PREX2: variants seen among roughly 807,000 people sequenced by gnomAD.
PREX2 encodes the protein phosphatidylinositol 3,4,5-trisphosphate-dependent Rac exchanger 2 protein.
In PREX2, 107 loss-of-function variants were observed where a neutral mutation model predicts 203.2. That is an observed-to-expected ratio of 0.53 (90% CI 0.45 to 0.62). PREX2 has a LOEUF of 0.62. Ranked by LOEUF, PREX2 falls within the 20% of genes least tolerant of loss-of-function variation. The pLI, the probability that PREX2 is intolerant of heterozygous loss-of-function variation, is 0.00. For synonymous variants in PREX2, 672 were observed against 663.6 expected, an observed-to-expected ratio of 1.01 and a Z score of -0.19; for missense variants, 1,777 against 1,955.9, an observed-to-expected ratio of 0.91 and a Z score of 1.72.
At chr8:67,988,413 A>T (rs1291958373) in intron 1 of PREX2, among the ~76,000 whole-genome samples, 1 of 152,106 alleles carries the variant, frequency 6.6e-6, no homozygotes, top group African/African-American at 2.4e-5. Flanking sequence ...CCATCACTTT[A>T]CTTAGTCCTC....
At chr8:67,997,154 C>T (rs1806789648) in intron 1 of PREX2, among the ~76,000 whole-genome samples, 2 of 152,050 alleles carry the variant, frequency 1.3e-5, no homozygotes, top group African/African-American at 2.4e-5. Flanking sequence ...TTTGCCATTA[C>T]TTTTGATGGG....
chr8:68,143,061 A>G (rs557265477), intron 33 of PREX2, among the ~76,000 whole-genome samples: 2 of 152,286 alleles, frequency 1.3e-5, no homozygotes, highest in African/African-American at 4.8e-5. Flanking sequence ...GCATCATTTC[A>G]TATGATTATT....
Position 68,114,446 on chromosome 8 carries a change from A to G in PREX2, c.3147-1307A>G, listed in dbSNP as rs544558213. The G allele has an allele frequency of 7.3e-4, 285 of 390,092 alleles. 8 individuals are homozygous for G. The highest frequency in any genetic ancestry group is 3.1e-3 in the South Asian group (168 of 54,700). 24.2% of individuals were successfully genotyped at this position (390,092 alleles called of 1,614,324 possible). A position where few individuals can be genotyped will look rare whatever the true frequency, so the allele number is the denominator to read the frequency against. On this transcript the variant is annotated intron_variant, in intron 25 of 39. Coordinates refer to ENST00000288368, the MANE Select transcript of PREX2 (RefSeq NM_024870.4). ...TGGCTGCTGGCTTGAGAAGCCCTAT[A>G]TGGGTCCTTTGTTTATACATGGTTT...
chr8:68,228,787 A>G (rs958190739), intron 39 of PREX2, among the ~76,000 whole-genome samples: 8 of 150,296 alleles, frequency 5.3e-5, no homozygotes, highest in Non-Finnish European at 1.0e-4. Flanking sequence ...ATAAATAAAT[A>G]AATAAATAAA....
chr8:68,012,517 G>A (rs1346497393), intron 1 of PREX2, among the ~76,000 whole-genome samples: 1 of 152,182 alleles, frequency 6.6e-6, no homozygotes, highest in African/African-American at 2.4e-5. Context: ...TAGACATGCT[G>A]TTTGGGAATC....
chr8:68,195,031 A>G (rs1344224076), intron 37 of PREX2, among the ~76,000 whole-genome samples: 2 of 152,176 alleles, frequency 1.3e-5, no homozygotes, highest in Admixed American at 6.5e-5. Context: ...ATACACTGGA[A>G]CCAAGGGGGT....
At chr8:68,075,484 C>T (rs1020673014) in intron 14 of PREX2, among the ~76,000 whole-genome samples, 2 of 152,174 alleles carry the variant, frequency 1.3e-5, no homozygotes, top group African/African-American at 4.8e-5. Context: ...CCCAGGAAGC[C>T]TCGCCAGATC....
chr8:68,194,129 T>C (rs569377513), intron 37 of PREX2, among the ~76,000 whole-genome samples: 5 of 152,336 alleles, frequency 3.3e-5, no homozygotes, highest in Admixed American at 6.5e-5. Flanking sequence ...TCTGATAAGC[T>C]TATGTTCATA....
At chr8:68,205,555 T>A (rs1011416501) in intron 37 of PREX2, among the ~76,000 whole-genome samples, 2 of 152,338 alleles carry the variant, frequency 1.3e-5, no homozygotes, top group Middle Eastern at 3.4e-3. Flanking sequence ...TGGGGATTGA[T>A]CACTATTTAA....
intron 3 of PREX2, among the ~76,000 whole-genome samples, chr8:68,020,775 A>G (rs1260351979): frequency 1.3e-5 from 2 of 152,168 alleles, no homozygotes; most frequent in Non-Finnish European, 2.9e-5. Flanking sequence ...AGTAGTTGCT[A>G]TCTCAGTCCA....
intron 1 of PREX2, among the ~76,000 whole-genome samples, chr8:67,972,884 T>C (rs1212399492): frequency 1.3e-5 from 2 of 152,192 alleles, no homozygotes; most frequent in African/African-American, 2.4e-5. Flanking sequence ...CCATTGTATG[T>C]CTCACTTTTG....
At chr8:67,971,084 G>T (rs1805913891) in intron 1 of PREX2, among the ~76,000 whole-genome samples, 1 of 152,118 alleles carries the variant, frequency 6.6e-6, no homozygotes, top group Admixed American at 6.6e-5. Context: ...GGTATAGGGG[G>T]TGATAAAGGT....
chr8:68,084,358 A>G (rs1175608430), intron 18 of PREX2, among the ~76,000 whole-genome samples: 2 of 152,142 alleles, frequency 1.3e-5, no homozygotes, highest in African/African-American at 4.8e-5. Flanking sequence ...AATTTTAACT[A>G]CCTATTAAAA....
intron 4 of PREX2, among the ~76,000 whole-genome samples, chr8:68,023,896 G>A (rs980669362): frequency 6.6e-6 from 1 of 151,906 alleles, no homozygotes; most frequent in South Asian, 2.1e-4. Context: ...TTTGCATATA[G>A]GATCAATTAT....
chr8:67,992,145 A>G (rs1265196570), intron 1 of PREX2, among the ~76,000 whole-genome samples: 2 of 152,132 alleles, frequency 1.3e-5, no homozygotes, highest in Non-Finnish European at 2.9e-5. Context: ...TTTGTCTAGT[A>G]TATACCGCTC....
intron 2 of PREX2, among the ~76,000 whole-genome samples, chr8:68,018,491 A>G (rs113565453): frequency 0.012 from 1,827 of 152,082 alleles, 28 homozygotes; most frequent in African/African-American, 0.037. Context: ...AAATAAATAA[A>G]ATGAATTGGA....
chr8:67,957,660 GGCAAACAAAGCAAAA>G (rs1355788107), intron 1 of PREX2, among the ~76,000 whole-genome samples: 1 of 152,160 alleles, frequency 6.6e-6, no homozygotes, highest in Non-Finnish European at 1.5e-5. Context: ...CAGACAAACA[GGCAAACAAAGCAAAA>G]GCAAACAAAG....
chr8:67,991,007 A>T (rs73257991), intron 1 of PREX2, among the ~76,000 whole-genome samples: 6,612 of 152,220 alleles, frequency 0.043, 452 homozygotes, highest in African/African-American at 0.14. Context: ...GTCACAGCTC[A>T]ATACACACAA....
At chr8:68,170,475 G>C (rs1040881800) in intron 35 of PREX2, among the ~76,000 whole-genome samples, 3 of 152,224 alleles carry the variant, frequency 2.0e-5, no homozygotes, top group Non-Finnish European at 2.9e-5. Context: ...CACCTGGAGA[G>C]CCTTTGCCAC....
Sources: gnomAD v4.1 joint callset for allele counts (sites outside exome capture counted in the v4.1 genomes callset) on GRCh38, gnomAD v4.1.1 for gene constraint, MANE v1.5 for transcripts, NCBI Gene and HGNC (gene_info 2026-07-23, HGNC 2026-07-21) for gene names.